TRPM2: variants seen among roughly 807,000 people sequenced by gnomAD.
TRPM2 encodes estrogen-responsive element-associated gene 1 protein.
In TRPM2, 161 loss-of-function variants were observed where a neutral mutation model predicts 174.0. That is an observed-to-expected ratio of 0.93 (90% CI 0.81 to 1.05). The LOEUF (loss-of-function observed/expected upper bound fraction) is 1.05. TRPM2 is among the 50% of genes least tolerant of loss of function. TRPM2 has a pLI of 0.00. For synonymous variants in TRPM2, 954 were observed against 861.3 expected, an observed-to-expected ratio of 1.11 and a Z score of -1.88; for missense variants, 2,057 against 2,038.0, an observed-to-expected ratio of 1.01 and a Z score of -0.18.
At chr21:44,413,781 G>A in intron 19 of TRPM2, 110 bp from the exon 20 acceptor site, 1 of 1,284,596 alleles carries the variant, frequency 7.8e-7, no homozygotes, top group Non-Finnish European at 1.1e-6. Context: ...GCAGCATCAG[G>A]CCTGCGGGGG....
intron 22 of TRPM2, among the ~76,000 whole-genome samples, chr21:44,419,386 C>T (rs1009169450): frequency 3.9e-5 from 6 of 152,044 alleles, no homozygotes; most frequent in Non-Finnish European, 7.4e-5. Context: ...ACGATAGTCC[C>T]TGTCTCTTGG....
At chr21:44,400,998 C>T (rs1277698578) in intron 15 of TRPM2, among the ~76,000 whole-genome samples, 3 of 152,182 alleles carry the variant, frequency 2.0e-5, no homozygotes, top group Non-Finnish European at 2.9e-5. Context: ...TTCTGCAACC[C>T]GCAGTCCACA....
In TRPM2 at chr21:44,354,932, C is replaced by T. The variant is rs934321055; in HGVS notation, c.254+196C>T. 6.6e-6 allele frequency among the ~76,000 whole-genome samples: 1 copy of T among 152,174 alleles called. No homozygotes were observed. The highest frequency in any genetic ancestry group is 2.4e-5 in the African/African-American group (1 of 41,412). On this transcript the variant is annotated intron_variant, in intron 2 of 31. Transcript: ENST00000397928. This position sits in a 1 kb window ranked among gnomAD's most constrained non-coding sequence, Gnocchi z 4.3. ...CCTCCTGTCGGGGACAGTTGACCCT[C>T]ATCCTGCCTCGCAGGTGCAGGGACC...
chr21:44,383,358 C>T (rs1446573439), intron 9 of TRPM2, among the ~76,000 whole-genome samples: 15 of 152,210 alleles, frequency 9.9e-5, no homozygotes, highest in Admixed American at 1.3e-4. Flanking sequence ...TGGCACCTGA[C>T]ACTGGGAAGC....
chr21:44,365,419 T>C (rs542994859), intron 3 of TRPM2, among the ~76,000 whole-genome samples: 2 of 152,194 alleles, frequency 1.3e-5, no homozygotes, highest in African/African-American at 2.4e-5. Context: ...GACGGGGTCA[T>C]GTGGCCCCAG....
In TRPM2 at chr21:44,440,978, G is replaced by C; in HGVS notation, c.4386+73G>C. ...GTATGGGCGTGGCCTCCGGGGAGGGGGTTGGCAGGGATGGGGGTCTGGATT... is the reference window on the plus strand; with the variant it reads ...GTATGGGCGTGGCCTCCGGGGAGGGCGTTGGCAGGGATGGGGGTCTGGATT... On this transcript the variant is annotated intron_variant, in intron 31 of 31. Coordinates refer to ENST00000397928, the MANE Select transcript of TRPM2 (RefSeq NM_003307.4). 2.0e-5 allele frequency: 26 copies of C among 1,319,354 alleles called. No homozygotes were observed. The South Asian group carries it at 3.0e-4, about 15-fold the overall frequency. The allele number at this position is 1,319,354 out of a possible 1,614,324, so 81.7% of individuals were successfully genotyped here.
Position 44,399,303 on chromosome 21 carries a change from C to T in TRPM2, c.2070C>T (p.Phe690=). The stretch of plus-strand genomic sequence containing the variant: ...TCTCATATCTCCGCCCAGGGGTCTT[C>T]ACCGAGTGCTACCGGAAGGACGAAG... ...EEYEHRAIGV[F]TECYRKDEER... Residue 690 remains phenylalanine (F), a synonymous_variant, in exon 14 of 32, where the codon TTC becomes TTT. Coordinates refer to ENST00000397928, the MANE Select transcript of TRPM2 (RefSeq NM_003307.4). This position sits in a 1 kb window ranked among gnomAD's most constrained non-coding sequence, Gnocchi z 4.6. 2 of 1,612,378 alleles carry T rather than the reference C, an allele frequency of 1.2e-6. No homozygotes were observed. Among genetic ancestry groups the T allele is most frequent in the Non-Finnish European group, 1.7e-6 (2 of 1,179,674 alleles).
intron 31 of TRPM2, among the ~76,000 whole-genome samples, chr21:44,441,360 T>A (rs2051498533): frequency 6.6e-6 from 1 of 152,220 alleles, no homozygotes; most frequent in East Asian, 1.9e-4. Flanking sequence ...CTTTTAGCTC[T>A]TTATGGGGAT....
chr21:44,364,784 G>A lies in TRPM2; in HGVS notation c.423+502G>A, dbSNP rs182654817. Reference sequence around the variant, plus strand: ...GCGAGGAGTCTGGGCCAGGCATGGCGGGATCCAGGCTGAGCCTGGCCTGCA... The same window carrying A: ...GCGAGGAGTCTGGGCCAGGCATGGCAGGATCCAGGCTGAGCCTGGCCTGCA... On this transcript the variant is annotated intron_variant, in intron 3 of 31. Coordinates refer to ENST00000397928, the MANE Select transcript of TRPM2 (RefSeq NM_003307.4). Among the ~76,000 whole-genome samples, 231 of 152,328 alleles carry A rather than the reference G, an allele frequency of 1.5e-3. 1 individual carries two copies. The highest frequency in any genetic ancestry group is 5.3e-3 in the African/African-American group (221 of 41,582).
intron 19 of TRPM2, among the ~76,000 whole-genome samples, chr21:44,410,348 GGTGT>G (rs2050063704): frequency 6.8e-5 from 5 of 73,294 alleles, no homozygotes; most frequent in African/African-American, 2.4e-4. Flanking sequence ...TGTCTTGGTT[GGTGT>G]AGCCTTGTAG....
rs1365959572 is a variant in TRPM2, at chr21:44,441,936, T to G, written c.*119T>G. ...CCTGGGCCCTGCACATGATGGGGTT[T>G]GGTGGACCCAGTGCCCCTCACGGCT... is the stretch of plus-strand genomic sequence containing the variant. On this transcript the variant is annotated 3_prime_UTR_variant, in exon 32 of 32. Transcript: ENST00000397928. 3.6e-6 allele frequency: 5 copies of G among 1,370,984 alleles called. No individual in the cohort carries two copies. Among genetic ancestry groups the G allele is most frequent in the Non-Finnish European group, 4.7e-6 (5 of 1,053,178 alleles). 84.9% of individuals were successfully genotyped at this position (1,370,984 alleles called of 1,614,324 possible).
intron 4 of TRPM2, 82 bp from the exon 5 acceptor site, chr21:44,369,095 T>A (rs1237102566): frequency 7.2e-7 from 1 of 1,397,386 alleles, no homozygotes; most frequent in Non-Finnish European, 9.5e-7. Flanking sequence ...TCGCTGAGCC[T>A]AGAAGGGCTC....
chr21:44,434,214 CTG>C (rs1293876782), intron 27 of TRPM2, among the ~76,000 whole-genome samples: 1 of 152,142 alleles, frequency 6.6e-6, no homozygotes, highest in Admixed American at 6.5e-5. Flanking sequence ...ACTGTCCCCA[CTG>C]TGGCATGGAT....
chr21:44,394,240 T>A (rs183874425), intron 11 of TRPM2, among the ~76,000 whole-genome samples: 1 of 151,712 alleles, frequency 6.6e-6, no homozygotes, highest in East Asian at 2.0e-4. Context: ...AGACGCTCAG[T>A]TGGAATATGC....
chr21:44,427,360 C>G (rs538155394), intron 27 of TRPM2, among the ~76,000 whole-genome samples: 147 of 152,282 alleles, frequency 9.7e-4, no homozygotes, highest in African/African-American at 3.4e-3. Flanking sequence ...AATCTGGGGA[C>G]GTGGATTTGT....
chr21:44,437,029 G>A (rs989140785), intron 28 of TRPM2, 33 bp from the exon 29 acceptor site: 36 of 1,543,820 alleles, frequency 2.3e-5, no homozygotes, highest in Non-Finnish European at 2.6e-5. Flanking sequence ...GGCCGCAGCG[G>A]GTCCTGGGCA....
chr21:44,360,554 G>A (rs1009550503), intron 2 of TRPM2, among the ~76,000 whole-genome samples: 2 of 147,416 alleles, frequency 1.4e-5, no homozygotes, highest in Admixed American at 7.0e-5. Context: ...GAATGCATGT[G>A]TTTAGTTTTA....
intron 8 of TRPM2, among the ~76,000 whole-genome samples, chr21:44,380,379 C>T (rs951732372): frequency 6.6e-6 from 1 of 152,214 alleles, no homozygotes; most frequent in Non-Finnish European, 1.5e-5. Flanking sequence ...GGCGGCTTTC[C>T]TTCCTTCCCG....
chr21:44,435,362 G>A (rs1364537819), intron 28 of TRPM2, 145 bp downstream of exon 28: 6 of 783,540 alleles, frequency 7.7e-6, no homozygotes, highest in Admixed American at 2.7e-5. Flanking sequence ...GGATGCGGGA[G>A]GCGTCTGTGG....
Sources: gnomAD v4.1 joint callset for allele counts (sites outside exome capture counted in the v4.1 genomes callset) on GRCh38, gnomAD v4.1.1 for gene constraint, Gnocchi (gnomAD v3.1) non-coding constraint, MANE v1.5 for transcripts, NCBI Gene and HGNC (gene_info 2026-07-23, HGNC 2026-07-21) for gene names.